DPRX: variants seen among roughly 807,000 people sequenced by gnomAD.
DPRX encodes the protein divergent paired-related homeobox.
Under a neutral mutation model 8.4 loss-of-function variants are expected in DPRX, and 11 were observed. That is an observed-to-expected ratio of 1.31 (90% CI 0.82 to 2.17). The LOEUF (loss-of-function observed/expected upper bound fraction) is 2.17, where lower values mean the gene tolerates loss of function less well. DPRX is among the 30% of genes most tolerant of loss of function. The pLI is 0.00. For missense variants in DPRX, 211 were observed against 236.7 expected (o/e 0.89, Z 0.71); for synonymous variants, 72 against 87.0 (o/e 0.83, Z 0.96).
chr19:53,634,563 A>G (rs767617313), exon 2 of DPRX: 17 of 1,613,928 alleles, frequency 1.1e-5, no homozygotes, highest in Non-Finnish European at 1.4e-5. Context: ...CAGGAAACGA[A>G]CCATGTTCAC....
intron 2 of DPRX, among the ~76,000 whole-genome samples, chr19:53,635,631 TC>T (rs1162245350): frequency 6.6e-6 from 1 of 152,122 alleles, no homozygotes; most frequent in Non-Finnish European, 1.5e-5. Flanking sequence ...TCCACCCACC[TC>T]AGCCTCCCAG....
chr19:53,622,322 G>A, the DPRX span, among the ~76,000 whole-genome samples: 3 of 152,110 alleles, frequency 2.0e-5, no homozygotes, highest in East Asian at 1.9e-4. Context: ...AAATGTCAGC[G>A]TCACATATTT....
the DPRX span, among the ~76,000 whole-genome samples, chr19:53,601,631 A>T: frequency 6.6e-6 from 1 of 151,620 alleles, no homozygotes; most frequent in African/African-American, 2.4e-5. Flanking sequence ...ACCGGCACAC[A>T]CCACCATGCC....
At chr19:53,630,797 A>T (rs531118247), upstream of DPRX, among the ~76,000 whole-genome samples, 13 of 152,108 alleles carry the variant, frequency 8.5e-5, no homozygotes, top group African/African-American at 3.1e-4. Context: ...TGTCGTCAAG[A>T]TAAAAGGTAT....
Sources: allele counts gnomAD v4.1 joint callset (sites outside exome capture counted in the v4.1 genomes callset), GRCh38; gene constraint gnomAD v4.1.1; transcripts MANE v1.5; gene names NCBI Gene and HGNC (gene_info 2026-07-23, HGNC 2026-07-21).